Variants in CAMK2B observed in about 807,000 individuals in gnomAD.
The protein encoded by CAMK2B is calcium/calmodulin dependent protein kinase II beta.
Under a neutral mutation model 93.7 loss-of-function variants are expected in CAMK2B, and 27 were observed. The observed-to-expected ratio is 0.29, with a 90% CI of 0.21 to 0.40. CAMK2B has a LOEUF of 0.40. Ranked by LOEUF, CAMK2B falls within the 10% of genes least tolerant of loss-of-function variation. CAMK2B has a pLI of 1.00. For synonymous variants in CAMK2B, 374 were observed against 358.8 expected (o/e 1.04, Z -0.48); for missense variants, 568 against 895.8 (o/e 0.63, Z 4.67).
At chr7:44,229,227 T>C (rs1288348428) in intron 18 of CAMK2B, 161 bp downstream of exon 18, 1 of 614,386 alleles carries the variant, frequency 1.6e-6, no homozygotes, top group Non-Finnish European at 2.9e-6. Flanking sequence ...TGGGGCTCGA[T>C]GGGCTGGGGC....
chr7:44,312,562 G>A lies in CAMK2B; in HGVS notation c.65+12795C>T, dbSNP rs1172762800. Among the ~76,000 whole-genome samples, 1 of 152,150 alleles carries A rather than the reference G, an allele frequency of 6.6e-6. No individual in the cohort carries two copies. The highest frequency in any genetic ancestry group is 1.5e-5 in the Non-Finnish European group (1 of 68,034). The stretch of plus-strand genomic sequence containing the variant: ...CGGGAGGGGCTGCCCCATAAAGTGA[G>A]GGGGGTGCCCAGTGGCCATCGTCAC... On this transcript the variant is annotated intron_variant, in intron 1 of 23. Coordinates refer to ENST00000395749, the MANE Select transcript of CAMK2B (RefSeq NM_001220.5). The surrounding 1 kb of genome is among the most constrained non-coding windows in gnomAD (Gnocchi z 4.1).
Position 44,271,105 on chromosome 7 carries a change from G to A in CAMK2B, c.161-8041C>T, listed in dbSNP as rs2096970410. On this transcript the variant is annotated intron_variant, in intron 2 of 23. Coordinates refer to ENST00000395749, the MANE Select transcript of CAMK2B (RefSeq NM_001220.5). The surrounding 1 kb of genome is among the most constrained non-coding windows in gnomAD (Gnocchi z 4.2). ...GGCTAATTTTTGTATTTTTAGTAGA[G>A]ACAGGGTTTCACCATGTCGGCCAGG... is the stretch of plus-strand genomic sequence containing the variant. 6.6e-6 allele frequency among the ~76,000 whole-genome samples: 1 copy of A among 152,030 alleles called. No homozygotes were observed. Among genetic ancestry groups the A allele is most frequent in the South Asian group, 2.1e-4 (1 of 4,812 alleles).
rs957195837 is a variant in CAMK2B at position 44,284,216 on chromosome 7, G to A, written c.75C>T (p.Phe25=). 4.3e-6 allele frequency: 7 copies of A among 1,612,888 alleles called. No homozygotes were observed. The highest frequency in any genetic ancestry group is 5.1e-6 in the Non-Finnish European group (6 of 1,179,470). ...GCTTGACACAGCGTCGGACCACAGA[G>A]AAAGCCCCCCTGGGGAGGAAAATGG... is the stretch of plus-strand genomic sequence containing the variant. ...QLYEDIGKGA[F]SVVRRCVKLC... The change falls in exon 2 of 24, where the codon TTC becomes TTT. Residue 25 remains phenylalanine, a synonymous_variant. Transcript: ENST00000395749.
At chr7:44,220,326 G>A (rs372116010) in intron 22 of CAMK2B, 32 bp from the exon 23 acceptor site, 57 of 1,553,974 alleles carry the variant, frequency 3.7e-5, no homozygotes, top group South Asian at 3.2e-4. Flanking sequence ...GGGGTCTCGG[G>A]TTACCATGAC....
Position 44,243,350 on chromosome 7 carries a change from A to C in CAMK2B, c.518-17T>G. On this transcript the variant is annotated splice_polypyrimidine_tract_variant and intron_variant, in intron 7 of 23. Coordinates refer to ENST00000395749, the MANE Select transcript of CAMK2B (RefSeq NM_001220.5). ...CAGCGAAACCTAGAGAGAGGGGAAG[A>C]GGCCACAAGGGGCTGTCAGCATCAC... is the stretch of plus-strand genomic sequence containing the variant. 2 of 1,613,254 alleles carry C rather than the reference A, an allele frequency of 1.2e-6. No individual in the cohort carries two copies. Among genetic ancestry groups the C allele is most frequent in the Non-Finnish European group, 1.7e-6 (2 of 1,179,292 alleles).
intron 1 of CAMK2B, among the ~76,000 whole-genome samples, chr7:44,297,367 G>T (rs921702640): frequency 6.6e-6 from 1 of 151,708 alleles, no homozygotes; most frequent in East Asian, 1.9e-4. Flanking sequence ...GAGAGAAAAT[G>T]GAATTATATA....
chr7:44,221,941 C>T (rs2096412980), intron 20 of CAMK2B, among the ~76,000 whole-genome samples: 1 of 152,196 alleles, frequency 6.6e-6, no homozygotes, highest in Admixed American at 6.5e-5. Context: ...AGAAATAAAG[C>T]ACCGCACATG....
chr7:44,245,537 ATGTC>A (rs2096721328), intron 6 of CAMK2B, among the ~76,000 whole-genome samples: 1 of 152,128 alleles, frequency 6.6e-6, no homozygotes, highest in South Asian at 2.1e-4. Context: ...TGGTAACACA[ATGTC>A]TGTGGCCCCT....
chr7:44,234,778 A>C, intron 13 of CAMK2B, 102 bp from the exon 14 acceptor site: 1 of 1,288,268 alleles, frequency 7.8e-7, no homozygotes, highest in South Asian at 1.2e-5. Flanking sequence ...CCCAGGAGCA[A>C]GCCCAGGGTC....
At chr7:44,278,323 C>A (rs866678936) in intron 2 of CAMK2B, among the ~76,000 whole-genome samples, 2 of 152,296 alleles carry the variant, frequency 1.3e-5, no homozygotes, top group African/African-American at 4.8e-5. Flanking sequence ...AGCTTTGCAA[C>A]ATCCCTGTGA....
Position 44,224,540 on chromosome 7 carries a change from G to A in CAMK2B, c.1597+1976C>T, listed in dbSNP as rs2096452731. Among the ~76,000 whole-genome samples the A allele has an allele frequency of 6.6e-6, 1 of 152,158 alleles. No homozygotes were observed. Among genetic ancestry groups the A allele is most frequent in the Non-Finnish European group, 1.5e-5 (1 of 68,020 alleles). On this transcript the variant is annotated intron_variant, in intron 20 of 23. Transcript: ENST00000395749. The surrounding 1 kb of genome is among the most constrained non-coding windows in gnomAD (Gnocchi z 4.4). Reference sequence around the variant, plus strand: ...CTTCCAGGTGCCCTGACATGAACAGGAGCCTTTGCATTGCCTGTGGCTCTC... The same window carrying A: ...CTTCCAGGTGCCCTGACATGAACAGAAGCCTTTGCATTGCCTGTGGCTCTC...
At chr7:44,272,726 C>A (rs1009991163) in intron 2 of CAMK2B, among the ~76,000 whole-genome samples, 4 of 152,220 alleles carry the variant, frequency 2.6e-5, no homozygotes, top group Non-Finnish European at 5.9e-5. Context: ...GGAGCCCAGG[C>A]CAGGCCAGTG....
intron 3 of CAMK2B, 22 bp downstream of exon 3, chr7:44,262,983 C>T (rs763821238): frequency 1.8e-5 from 29 of 1,607,770 alleles, no homozygotes; most frequent in Non-Finnish European, 1.9e-5. Context: ...CCCATCCCCG[C>T]TCCCTACCCC....
chr7:44,322,143 G>A (rs112306715), intron 1 of CAMK2B, among the ~76,000 whole-genome samples: 8 of 152,342 alleles, frequency 5.3e-5, no homozygotes, highest in Admixed American at 2.0e-4. Flanking sequence ...ACTACAGGTC[G>A]CCACGCAGCA....
chr7:44,221,489 C>T (rs960487509), intron 20 of CAMK2B, among the ~76,000 whole-genome samples: 2 of 149,834 alleles, frequency 1.3e-5, no homozygotes, highest in Non-Finnish European at 2.9e-5. Flanking sequence ...CAGCAGGGGG[C>T]GGCCACGTGC....
At chr7:44,249,570 C>T (rs2096760729) in intron 5 of CAMK2B, among the ~76,000 whole-genome samples, 1 of 152,194 alleles carries the variant, frequency 6.6e-6, no homozygotes, top group African/African-American at 2.4e-5. Context: ...TTTCCCCCAG[C>T]CCATCCCTGT....
At position 44,262,298 on chromosome 7, in the gene CAMK2B, C is replaced by T. The variant is rs4724296; in HGVS notation, c.220+707G>A. Among the ~76,000 whole-genome samples, 958 of 152,292 alleles carry T rather than the reference C, an allele frequency of 6.3e-3. 25 individuals are homozygous for T. The highest frequency in any genetic ancestry group is 0.046 in the Admixed American group (705 of 15,302). On this transcript the variant is annotated intron_variant, in intron 3 of 23. Transcript: ENST00000395749. ...CACCTGACAGCTCCCCAGGTGCCTC[C>T]GAGGCCAAGAGCGGCTGCCGTCCCT...
intron 1 of CAMK2B, among the ~76,000 whole-genome samples, chr7:44,314,220 C>T (rs1465726683): frequency 6.6e-6 from 1 of 152,028 alleles, no homozygotes; most frequent in Non-Finnish European, 1.5e-5. Flanking sequence ...TATCCATTAC[C>T]ACAATCTAAG....
In CAMK2B at chr7:44,301,726, G is replaced by A. The variant is rs191559822; in HGVS notation, c.66-17501C>T. 1.0e-2 allele frequency among the ~76,000 whole-genome samples: 1,514 copies of A among 151,894 alleles called. 12 individuals are homozygous for A. The highest frequency in any genetic ancestry group is 0.018 in the Admixed American group (271 of 15,250). ...AGGAAGTCGGAGGTTGCAGTAAGCC[G>A]AGATCGCGCCACTGCACTCCAGCCT... On this transcript the variant is annotated intron_variant, in intron 1 of 23. Transcript: ENST00000395749.
Sources: gnomAD v4.1 joint callset for allele counts (sites outside exome capture counted in the v4.1 genomes callset) on GRCh38, gnomAD v4.1.1 for gene constraint, Gnocchi (gnomAD v3.1) non-coding constraint, MANE v1.5 for transcripts, NCBI Gene and HGNC (gene_info 2026-07-23, HGNC 2026-07-21) for gene names.